CDH12: variants seen among roughly 807,000 people sequenced by gnomAD.
CDH12 encodes cadherin 12, also known as cadherin-12.
In CDH12, 41 loss-of-function variants were observed where a neutral mutation model predicts 74.1. That is an observed-to-expected ratio of 0.55 (90% confidence interval 0.43 to 0.72). The LOEUF (loss-of-function observed/expected upper bound fraction) is 0.72, where lower values mean the gene tolerates loss of function less well. CDH12 is among the 30% of genes least tolerant of loss of function. The probability of loss-of-function intolerance (pLI) is 0.00; values close to 1 mark genes in which losing one functional copy is unlikely to be tolerated. For missense variants in CDH12, 945 were observed against 977.2 expected (o/e 0.97, Z 0.44); for synonymous variants, 399 against 355.0 (o/e 1.12, Z -1.39).
intron 3 of CDH12, among the ~76,000 whole-genome samples, chr5:22,302,679 T>C (rs932955891): frequency 6.6e-6 from 1 of 152,072 alleles, no homozygotes; most frequent in African/African-American, 2.4e-5. Flanking sequence ...AACAAAGTTA[T>C]CAGTGTACAG....
At chr5:22,804,042 A>C (rs1165947567) in intron 1 of CDH12, among the ~76,000 whole-genome samples, 5 of 152,208 alleles carry the variant, frequency 3.3e-5, no homozygotes, top group Admixed American at 6.5e-5. Context: ...ACCCGCTTGC[A>C]TATTTTGCAC....
chr5:22,406,212 G>A (rs986225317), intron 2 of CDH12, among the ~76,000 whole-genome samples: 1 of 152,090 alleles, frequency 6.6e-6, no homozygotes, highest in Admixed American at 6.6e-5. Context: ...ACCTTCCTAG[G>A]TTGGCAAGTC....
At chr5:21,888,751 C>T (rs1752760331) in intron 6 of CDH12, among the ~76,000 whole-genome samples, 1 of 151,818 alleles carries the variant, frequency 6.6e-6, no homozygotes, top group South Asian at 2.1e-4. Context: ...ATATTGTAAC[C>T]TGCTTTTTAA....
At chr5:22,758,415 G>A (rs915203830) in intron 1 of CDH12, among the ~76,000 whole-genome samples, 3 of 152,064 alleles carry the variant, frequency 2.0e-5, no homozygotes, top group African/African-American at 7.2e-5. Context: ...GTCCTCGCTT[G>A]CCACCCCACA....
chr5:22,307,016 T>G (rs1738143466), intron 3 of CDH12, among the ~76,000 whole-genome samples: 1 of 152,226 alleles, frequency 6.6e-6, no homozygotes, highest in Non-Finnish European at 1.5e-5. Flanking sequence ...TAGAACTAAG[T>G]GGCTTTTAGA....
At chr5:21,922,253 CAT>C (rs1754387079) in intron 6 of CDH12, among the ~76,000 whole-genome samples, 1 of 152,074 alleles carries the variant, frequency 6.6e-6, no homozygotes, top group Non-Finnish European at 1.5e-5. Flanking sequence ...AAAAGATTAT[CAT>C]AGAATTTCAG....
intron 6 of CDH12, among the ~76,000 whole-genome samples, chr5:21,971,033 T>C (rs1756832017): frequency 6.6e-6 from 1 of 151,834 alleles, no homozygotes; most frequent in Non-Finnish European, 1.5e-5. Flanking sequence ...TAAACCAGTG[T>C]TCTACTTTAT....
chr5:22,748,280 T>C (rs1030523571), intron 1 of CDH12, among the ~76,000 whole-genome samples: 3 of 152,172 alleles, frequency 2.0e-5, no homozygotes, highest in Admixed American at 6.5e-5. Flanking sequence ...TGAAACACTT[T>C]AATATTGGAA....
chr5:22,046,647 A>C (rs1245324548), intron 5 of CDH12, among the ~76,000 whole-genome samples: 1 of 152,028 alleles, frequency 6.6e-6, no homozygotes, highest in Non-Finnish European at 1.5e-5. Flanking sequence ...AATATATATA[A>C]AAAGCAGCAT....
chr5:21,832,311 T>A (rs971984007), intron 8 of CDH12, among the ~76,000 whole-genome samples: 2 of 152,098 alleles, frequency 1.3e-5, no homozygotes, highest in African/African-American at 4.8e-5. Context: ...CAAATGACAA[T>A]GTGATATTAG....
Position 22,212,622 on chromosome 5 carries a change from G to A in CDH12, c.-311C>T. 1.0e-6 allele frequency: 1 copy of A among 985,184 alleles called. No individual in the cohort carries two copies. The highest frequency in any genetic ancestry group is 1.2e-6 in the Non-Finnish European group (1 of 829,368). 61.0% of individuals were successfully genotyped at this position (985,184 alleles called of 1,614,324 possible). ...GCTGCATCCTGTGCTCCTTTTCCCT[G>A]TTATGTTGAGCTCCTCACTGTCTAA... On this transcript the variant is annotated 5_prime_UTR_variant, in exon 4 of 15. Coordinates refer to ENST00000382254, the MANE Select transcript of CDH12 (RefSeq NM_004061.5).
intron 1 of CDH12, among the ~76,000 whole-genome samples, chr5:22,712,336 G>T (rs269035): frequency 0.3 from 45,159 of 151,684 alleles, 6,904 homozygotes; most frequent in South Asian, 0.34. Context: ...ATAAAAGTTT[G>T]TTTTATTATT....
At chr5:22,026,787 C>A (rs1738390104) in intron 5 of CDH12, among the ~76,000 whole-genome samples, 1 of 152,100 alleles carries the variant, frequency 6.6e-6, no homozygotes, top group South Asian at 2.1e-4. Context: ...ACTTACACTC[C>A]ACAATAAAGT....
intron 5 of CDH12, among the ~76,000 whole-genome samples, chr5:22,010,168 C>G (rs1323539453): frequency 6.6e-6 from 1 of 151,972 alleles, no homozygotes; most frequent in Non-Finnish European, 1.5e-5. Context: ...CCATCATATT[C>G]GAAGCTGTGT....
intron 3 of CDH12, among the ~76,000 whole-genome samples, chr5:22,232,554 A>T (rs1752420468): frequency 6.6e-6 from 1 of 151,836 alleles, no homozygotes; most frequent in Non-Finnish European, 1.5e-5. Flanking sequence ...GTTATTAAGA[A>T]AATATCACAA....
chr5:22,337,571 C>A (rs1393107876), intron 3 of CDH12, among the ~76,000 whole-genome samples: 1 of 152,166 alleles, frequency 6.6e-6, no homozygotes, highest in Non-Finnish European at 1.5e-5. Context: ...TTTCCCTGCA[C>A]AATCTCTATT....
At chr5:22,012,505 A>C (rs1177455333) in intron 5 of CDH12, among the ~76,000 whole-genome samples, 1 of 152,120 alleles carries the variant, frequency 6.6e-6, no homozygotes, top group African/African-American at 2.4e-5. Context: ...TTTGTCTTTC[A>C]GTTGACAGTG....
rs903923740 is a variant in CDH12, at chr5:21,750,861, C to T, written c.*876G>A. On this transcript the variant is annotated 3_prime_UTR_variant, in exon 15 of 15. Transcript: ENST00000382254. ...CTGTTAAAACCAATTTTCCACACAC[C>T]AGTACAATATTAAGCAAAACCAATA... The T allele has an allele frequency of 9.2e-5, 14 of 151,996 alleles. No homozygotes were observed. The highest frequency in any genetic ancestry group is 3.1e-4 in the African/African-American group (13 of 41,404). 9.4% of individuals were successfully genotyped at this position (151,996 alleles called of 1,614,324 possible).
chr5:21,932,895 A>T (rs1050571555), intron 6 of CDH12, among the ~76,000 whole-genome samples: 1 of 150,940 alleles, frequency 6.6e-6, no homozygotes, highest in African/African-American at 2.4e-5. Context: ...CCATCATGTC[A>T]TAGTTTTTGC....
Sources: allele counts gnomAD v4.1 joint callset (sites outside exome capture counted in the v4.1 genomes callset), GRCh38; gene constraint gnomAD v4.1.1; transcripts MANE v1.5; gene names NCBI Gene and HGNC (gene_info 2026-07-23, HGNC 2026-07-21).